Variants in CYP2J2 observed in about 807,000 individuals in gnomAD.
CYP2J2 encodes cytochrome P450 2J2.
A neutral mutation model predicts 48.8 loss-of-function variants in CYP2J2; 41 were observed. The observed-to-expected ratio is 0.84, with a 90% CI of 0.66 to 1.09. CYP2J2 has a LOEUF of 1.09. CYP2J2 is among the 50% of genes least tolerant of loss of function. The pLI, the probability that CYP2J2 is intolerant of heterozygous loss-of-function variation, is 0.00. For missense variants in CYP2J2, 644 were observed against 617.3 expected (o/e 1.04, Z -0.46); for synonymous variants, 221 against 227.1 (o/e 0.97, Z 0.24).
In CYP2J2 at chr1:59,916,730, C is replaced by T. The variant is rs1644469544; in HGVS notation, c.211-630G>A. The stretch of plus-strand genomic sequence containing the variant: ...CTTGGGTGACAGAGTGAAAGCCTGT[C>T]TCAATATATAGACATAGTAAACAAG... On this transcript the variant is annotated intron_variant, in intron 1 of 8. Coordinates refer to ENST00000371204, the MANE Select transcript of CYP2J2 (RefSeq NM_000775.4). 5.3e-5 allele frequency among the ~76,000 whole-genome samples: 8 copies of T among 152,222 alleles called. 1 individual carries two copies. In the South Asian group the frequency reaches 1.7e-3, roughly 32 times the overall value.
the CYP2J2 span, among the ~76,000 whole-genome samples, chr1:59,942,304 C>A: frequency 6.6e-6 from 1 of 151,912 alleles, no homozygotes; most frequent in East Asian, 1.9e-4. Context: ...CAAGAAGGAG[C>A]CAGAAATAGA....
the CYP2J2 span, among the ~76,000 whole-genome samples, chr1:59,966,647 GA>G: frequency 3.3e-5 from 5 of 152,108 alleles, no homozygotes; most frequent in African/African-American, 9.7e-5. Context: ...GGTTTTATGA[GA>G]AAAAATGCAG....
the CYP2J2 span, among the ~76,000 whole-genome samples, chr1:59,961,599 T>A: frequency 6.6e-6 from 1 of 152,086 alleles, no homozygotes; most frequent in East Asian, 1.9e-4. Context: ...AGTTACCATA[T>A]AACCCAGAAA....
chr1:59,939,848 T>C, the CYP2J2 span, among the ~76,000 whole-genome samples: 1 of 152,148 alleles, frequency 6.6e-6, no homozygotes, highest in Non-Finnish European at 1.5e-5. Flanking sequence ...CCTTATCCCA[T>C]GGCCACCGCC....
chr1:59,969,063 T>G, the CYP2J2 span, among the ~76,000 whole-genome samples: 1 of 152,154 alleles, frequency 6.6e-6, no homozygotes, highest in South Asian at 2.1e-4. Flanking sequence ...GGGCTCGTGG[T>G]CTTGCTGGCT....
chr1:59,940,959 A>G, the CYP2J2 span, among the ~76,000 whole-genome samples: 1 of 152,244 alleles, frequency 6.6e-6, no homozygotes, highest in Non-Finnish European at 1.5e-5. Flanking sequence ...CAGTAGAATG[A>G]TAGTTACCAG....
At chr1:59,911,111 C>A (rs552965940) in intron 4 of CYP2J2, among the ~76,000 whole-genome samples, 2 of 152,234 alleles carry the variant, frequency 1.3e-5, no homozygotes, top group South Asian at 4.1e-4. Flanking sequence ...AACTTGGAAA[C>A]AAATGTCCGT....
At chr1:59,951,608 T>C in the CYP2J2 span, among the ~76,000 whole-genome samples, 1 of 152,170 alleles carries the variant, frequency 6.6e-6, no homozygotes, top group African/African-American at 2.4e-5. Context: ...TAGTAGTAAT[T>C]AACAAATACT....
chr1:59,966,315 A>G, the CYP2J2 span, among the ~76,000 whole-genome samples: 1 of 152,140 alleles, frequency 6.6e-6, no homozygotes, highest in Admixed American at 6.5e-5. Context: ...CTCTACTTAT[A>G]TCCTTTCATG....
intron 8 of CYP2J2, among the ~76,000 whole-genome samples, chr1:59,898,021 T>A (rs1468912344): frequency 6.6e-6 from 1 of 152,218 alleles, no homozygotes; most frequent in African/African-American, 2.4e-5. Context: ...TCCTATCACA[T>A]CTGCTTTGGG....
rs1424304237 is a variant in CYP2J2, at chr1:59,911,768, C to T, written c.524G>A (p.Gly175Glu). Residue 175 changes from glycine to glutamate, a missense_variant and splice_region_variant, in exon 4 of 9, where the codon GGA becomes GAA. Transcript: ENST00000371204. ...CTTGAAATGAGGGTCAAAAGGCTGT[C>T]CTGAAGGTGGAGGAAGGGCAAGATG... ...HLTEAIKEEN[G>E]QPFDPHFKIN... is the part of the protein sequence containing the mutation. The T allele has an allele frequency of 6.2e-7, 1 of 1,611,006 alleles. No individual in the cohort carries two copies. The highest frequency in any genetic ancestry group is 2.2e-5 in the East Asian group (1 of 44,860).
At chr1:59,923,939 T>C (rs1644539398) in intron 1 of CYP2J2, among the ~76,000 whole-genome samples, 1 of 152,162 alleles carries the variant, frequency 6.6e-6, no homozygotes, top group Non-Finnish European at 1.5e-5. Context: ...AAGAGAAATC[T>C]ATATTTTCAG....
chr1:59,954,182 C>T, the CYP2J2 span, among the ~76,000 whole-genome samples: 17 of 152,254 alleles, frequency 1.1e-4, no homozygotes, highest in East Asian at 1.2e-3. Context: ...ACTGCAATTA[C>T]GCAGCTCATC....
upstream of CYP2J2, chr1:59,926,929 G>C (rs192249016): frequency 7.4e-3 from 4,526 of 612,260 alleles, 57 homozygotes; most frequent in Non-Finnish European, 6.9e-3. Flanking sequence ...AAAAGGCCAG[G>C]CTAGGAGCAG....
the CYP2J2 span, among the ~76,000 whole-genome samples, chr1:59,957,681 G>C: frequency 7.9e-4 from 108 of 137,328 alleles, 1 homozygote; most frequent in African/African-American, 2.3e-3. Context: ...CAGACACACA[G>C]ACACACACAC....
rs111339558 is a variant in CYP2J2 at position 59,908,480 on chromosome 1, C to A, written c.862-553G>T. Among the ~76,000 whole-genome samples the A allele has an allele frequency of 1.4e-3, 211 of 152,312 alleles. 1 individual carries two copies. The highest frequency in any genetic ancestry group is 4.7e-3 in the African/African-American group (196 of 41,576). On this transcript the variant is annotated intron_variant, in intron 5 of 8. Coordinates refer to ENST00000371204, the MANE Select transcript of CYP2J2 (RefSeq NM_000775.4). ...CTCATATCTCTTCATTCACCTTTTT[C>A]TTTCCAATTTGAAACTCACTGATTC...
chr1:59,942,993 G>A, the CYP2J2 span, among the ~76,000 whole-genome samples: 3 of 152,068 alleles, frequency 2.0e-5, no homozygotes, highest in Non-Finnish European at 2.9e-5. Flanking sequence ...AATAGTTAAT[G>A]TTTCAATTTT....
intron 6 of CYP2J2, among the ~76,000 whole-genome samples, chr1:59,905,505 A>G (rs964415321): frequency 2.0e-5 from 3 of 152,214 alleles, no homozygotes; most frequent in African/African-American, 7.2e-5. Flanking sequence ...AGGTTTCAAC[A>G]TATAAATTTG....
intron 4 of CYP2J2, among the ~76,000 whole-genome samples, chr1:59,910,475 C>T (rs1031301253): frequency 2.0e-5 from 3 of 152,068 alleles, no homozygotes; most frequent in Non-Finnish European, 4.4e-5. Flanking sequence ...GATGAGTATA[C>T]ACAGTGATTC....
Sources: gnomAD v4.1 joint callset for allele counts (sites outside exome capture counted in the v4.1 genomes callset) on GRCh38, gnomAD v4.1.1 for gene constraint, MANE v1.5 for transcripts, NCBI Gene and HGNC (gene_info 2026-07-23, HGNC 2026-07-21) for gene names.